Variants in WDR20 observed in about 807,000 individuals in gnomAD.
WDR20 encodes WD repeat-containing protein 20.
In WDR20, 3 loss-of-function variants were observed where a neutral mutation model predicts 38.7. That is an observed-to-expected ratio of 0.08 (90% CI 0.04 to 0.20). The LOEUF (loss-of-function observed/expected upper bound fraction) is 0.20. Ranked by LOEUF, WDR20 falls within the 10% of genes least tolerant of loss-of-function variation. The pLI, the probability that WDR20 is intolerant of heterozygous loss-of-function variation, is 1.00. For synonymous variants in WDR20, 298 were observed against 285.6 expected (o/e 1.04, Z -0.44); for missense variants, 559 against 727.7 (o/e 0.77, Z 2.67).
intron 1 of WDR20, among the ~76,000 whole-genome samples, chr14:102,190,871 C>T (rs1287390232): frequency 6.6e-6 from 1 of 151,930 alleles, no homozygotes; most frequent in African/African-American, 2.4e-5. Context: ...CATGTTGGTG[C>T]ATGCCTGTAA....
At chr14:102,153,190 C>T (rs578109920) in intron 1 of WDR20, among the ~76,000 whole-genome samples, 1 of 152,246 alleles carries the variant, frequency 6.6e-6, no homozygotes, top group East Asian at 1.9e-4. Flanking sequence ...AGTGCCTGCC[C>T]CCCCTTCACC....
chr14:102,139,487 C>T (rs948654849), upstream of WDR20: 2 of 1,396,538 alleles, frequency 1.4e-6, no homozygotes, highest in Non-Finnish European at 1.9e-6. Context: ...TCTTTGGGGT[C>T]CCGGCGCCCC....
In WDR20 at chr14:102,208,531, A is replaced by C. The variant is rs1294751425; in HGVS notation, c.433-72A>C. On this transcript the variant is annotated intron_variant, in intron 2 of 2. Transcript: ENST00000342702. The surrounding 1 kb of genome is among the most constrained non-coding windows in gnomAD (Gnocchi z 5.6). Reference sequence around the variant, plus strand: ...GCCCCTTCCCATCGAGAAGCACACAAGTTTTCTTGCTGGAAAAGTAGACCT... The same window carrying C: ...GCCCCTTCCCATCGAGAAGCACACACGTTTTCTTGCTGGAAAAGTAGACCT... 8.6e-6 allele frequency: 13 copies of C among 1,516,144 alleles called. No individual in the cohort carries two copies. Among genetic ancestry groups the C allele is most frequent in the South Asian group, 1.3e-5 (1 of 74,500 alleles). 93.9% of individuals were successfully genotyped at this position (1,516,144 alleles called of 1,614,324 possible). A position where few individuals can be genotyped will look rare whatever the true frequency, so the allele number is the denominator to read the frequency against.
downstream of WDR20, among the ~76,000 whole-genome samples, chr14:102,219,599 C>G (rs1392425802): frequency 6.6e-6 from 1 of 152,246 alleles, no homozygotes; most frequent in Non-Finnish European, 1.5e-5. Context: ...CACCGTTTTC[C>G]CCTTTGCTCT....
chr14:102,151,406 G>GT (rs1355579913), intron 1 of WDR20, among the ~76,000 whole-genome samples: 10 of 151,098 alleles, frequency 6.6e-5, no homozygotes, highest in Non-Finnish European at 1.3e-4. Flanking sequence ...TTTTGTTTTT[G>GT]TTTTTTTGAG....
intron 1 of WDR20, among the ~76,000 whole-genome samples, chr14:102,154,832 A>T (rs1036954042): frequency 2.6e-5 from 4 of 152,212 alleles, no homozygotes; most frequent in Non-Finnish European, 4.4e-5. Context: ...TACATAGAGC[A>T]CTTTAGTTGA....
chr14:102,190,946 A>C (rs2066207452), intron 1 of WDR20, among the ~76,000 whole-genome samples: 1 of 151,634 alleles, frequency 6.6e-6, no homozygotes, highest in Non-Finnish European at 1.5e-5. Context: ...GGTTACAGTG[A>C]GCTGAAGTCA....
chr14:102,198,105 A>C (rs2059717240), intron 2 of WDR20: 2 of 22,788 alleles, frequency 8.8e-5, no homozygotes, highest in Non-Finnish European at 2.3e-4. Flanking sequence ...TACTTTATTT[A>C]TTTATTTATT....
At chr14:102,213,697 G>T (rs562003915), downstream of WDR20, 1 of 985,428 alleles carries the variant, frequency 1.0e-6, no homozygotes, top group East Asian at 1.1e-4. Flanking sequence ...ACTTCCTGGG[G>T]TTCATTTTAA....
At chr14:102,197,416 A>T (rs1172599893) in intron 2 of WDR20, among the ~76,000 whole-genome samples, 1 of 152,228 alleles carries the variant, frequency 6.6e-6, no homozygotes, top group Non-Finnish European at 1.5e-5. Flanking sequence ...AGTTTTTTAA[A>T]ATGTTAAGTT....
At chr14:102,163,439 C>T (rs1278815334) in intron 1 of WDR20, among the ~76,000 whole-genome samples, 2 of 151,932 alleles carry the variant, frequency 1.3e-5, no homozygotes, top group Non-Finnish European at 2.9e-5. Context: ...ACCAGCCTGG[C>T]CAACATGGCG....
chr14:102,198,367 C>T (rs766528049), intron 2 of WDR20: 12 of 260,206 alleles, frequency 4.6e-5, no homozygotes, highest in South Asian at 3.6e-4. Flanking sequence ...ATCCACCCAC[C>T]TCAGCTTCCC....
chr14:102,204,458 A>G (rs2061135407), intron 2 of WDR20, among the ~76,000 whole-genome samples: 1 of 152,156 alleles, frequency 6.6e-6, no homozygotes, highest in Non-Finnish European at 1.5e-5. Context: ...ATCAGATCAC[A>G]TAAATTTCAC....
upstream of WDR20, chr14:102,139,556 C>T (rs1311481371): frequency 2.4e-6 from 2 of 819,624 alleles, no homozygotes; most frequent in African/African-American, 3.5e-5. Flanking sequence ...AGGCTCATGA[C>T]ACCAGCCCCG....
chr14:102,141,298 T>G (rs1376371804), intron 1 of WDR20, among the ~76,000 whole-genome samples: 1 of 152,218 alleles, frequency 6.6e-6, no homozygotes, highest in Non-Finnish European at 1.5e-5. Flanking sequence ...TCTTCAGGAT[T>G]TAATATAGCC....
intron 2 of WDR20, among the ~76,000 whole-genome samples, chr14:102,204,668 G>C (rs1389572496): frequency 6.6e-6 from 1 of 152,184 alleles, no homozygotes; most frequent in South Asian, 2.1e-4. Context: ...AGGGAGACAG[G>C]CATGACTGCA....
At chr14:102,196,000 T>G (rs768038117) in intron 2 of WDR20, 9 of 152,242 alleles carry the variant, frequency 5.9e-5, no homozygotes, top group Non-Finnish European at 1.3e-4. Flanking sequence ...CCCCTCCCTT[T>G]TGCATTGTTG....
At chr14:102,213,600 G>C, downstream of WDR20, 4 of 985,448 alleles carry the variant, frequency 4.1e-6, no homozygotes, top group Non-Finnish European at 4.8e-6. Context: ...CACCGTCCGG[G>C]CGGGGCCCAG....
chr14:102,198,682 C>A (rs2059816277), intron 2 of WDR20, among the ~76,000 whole-genome samples: 2 of 152,138 alleles, frequency 1.3e-5, no homozygotes, highest in Non-Finnish European at 2.9e-5. Flanking sequence ...TGTTTCTTAG[C>A]CTGAAGTACG....
Sources: gnomAD v4.1 joint callset for allele counts (sites outside exome capture counted in the v4.1 genomes callset) on GRCh38, gnomAD v4.1.1 for gene constraint, Gnocchi (gnomAD v3.1) non-coding constraint, MANE v1.5 for transcripts, NCBI Gene and HGNC (gene_info 2026-07-23, HGNC 2026-07-21) for gene names.